TMEM178B: variants seen among roughly 807,000 people sequenced by gnomAD.
TMEM178B encodes the protein transmembrane protein 178B.
TMEM178B carries 5 observed loss-of-function variants against 31.0 expected under a neutral mutation model. The observed-to-expected ratio is 0.16, with a 90% confidence interval of 0.08 to 0.34. The LOEUF (loss-of-function observed/expected upper bound fraction) is 0.34, where lower values mean the gene tolerates loss of function less well. Ranked by LOEUF, TMEM178B falls within the 10% of genes least tolerant of loss-of-function variation. The pLI, the probability that TMEM178B is intolerant of heterozygous loss-of-function variation, is 1.00. For synonymous variants in TMEM178B, 164 were observed against 164.0 expected, an observed-to-expected ratio of 1.00 and a Z score of 0.00; for missense variants, 275 against 400.3, an observed-to-expected ratio of 0.69 and a Z score of 2.67.
At chr7:141,398,400 A>G (rs1430056932) in intron 2 of TMEM178B, among the ~76,000 whole-genome samples, 1 of 152,122 alleles carries the variant, frequency 6.6e-6, no homozygotes, top group African/African-American at 2.4e-5. Flanking sequence ...CCCAGCTCCT[A>G]TGCCTTGGAG....
At chr7:141,442,153 T>C (rs1049761859) in intron 3 of TMEM178B, among the ~76,000 whole-genome samples, 1 of 152,172 alleles carries the variant, frequency 6.6e-6, no homozygotes, top group Non-Finnish European at 1.5e-5. Flanking sequence ...ACCTCAGTAC[T>C]GCTTCGTGGA....
At chr7:141,114,482 A>G (rs921450953) in intron 1 of TMEM178B, among the ~76,000 whole-genome samples, 1 of 152,086 alleles carries the variant, frequency 6.6e-6, no homozygotes, top group Non-Finnish European at 1.5e-5. Flanking sequence ...GACCTGTTGG[A>G]CTTCATGCCT....
At chr7:141,309,823 A>C (rs530128874) in intron 2 of TMEM178B, among the ~76,000 whole-genome samples, 12 of 152,350 alleles carry the variant, frequency 7.9e-5, no homozygotes, top group African/African-American at 2.9e-4. Flanking sequence ...AGGGTTCTTC[A>C]GTTACTCAAC....
At chr7:141,412,289 G>T (rs770272763) in intron 2 of TMEM178B, among the ~76,000 whole-genome samples, 16 of 152,158 alleles carry the variant, frequency 1.1e-4, no homozygotes, top group Non-Finnish European at 2.4e-4. Flanking sequence ...AAGACACAAC[G>T]CAAGACCCTA....
chr7:141,187,636 A>C (rs150232264), intron 1 of TMEM178B, among the ~76,000 whole-genome samples: 8,352 of 152,240 alleles, frequency 0.055, 710 homozygotes, highest in African/African-American at 0.18. Context: ...TCGCCATTCT[A>C]ACTGGTGTGA....
intron 1 of TMEM178B, among the ~76,000 whole-genome samples, chr7:141,105,536 CAT>C (rs1333050583): frequency 6.6e-6 from 1 of 152,076 alleles, no homozygotes; most frequent in Admixed American, 6.6e-5. Context: ...ACACAAAAAA[CAT>C]ATTTCTTTTG....
chr7:141,183,518 A>G (rs1796562614), intron 1 of TMEM178B, among the ~76,000 whole-genome samples: 1 of 152,196 alleles, frequency 6.6e-6, no homozygotes. Flanking sequence ...ATTTCAAACA[A>G]TTTAGAGACA....
At chr7:141,103,926 C>G (rs1486280508) in intron 1 of TMEM178B, among the ~76,000 whole-genome samples, 1 of 152,122 alleles carries the variant, frequency 6.6e-6, no homozygotes, top group Non-Finnish European at 1.5e-5. Flanking sequence ...TTTCAGGAAC[C>G]AATTCCTCTG....
At chr7:141,313,400 G>T (rs960226208) in intron 2 of TMEM178B, among the ~76,000 whole-genome samples, 1 of 152,034 alleles carries the variant, frequency 6.6e-6, no homozygotes, top group Non-Finnish European at 1.5e-5. Flanking sequence ...GCTCTCTCTT[G>T]CTCTCCCCAT....
chr7:141,392,431 C>G (rs1435506349), intron 2 of TMEM178B, among the ~76,000 whole-genome samples: 1 of 152,200 alleles, frequency 6.6e-6, no homozygotes, highest in Non-Finnish European at 1.5e-5. Flanking sequence ...ATCTTTCTCT[C>G]TTCCTCTCTG....
chr7:141,510,004 C>T, the TMEM178B span, among the ~76,000 whole-genome samples: 1 of 152,200 alleles, frequency 6.6e-6, no homozygotes, highest in Non-Finnish European at 1.5e-5. Flanking sequence ...GTGGCAGTAT[C>T]CTGAGTAGAA....
the TMEM178B span, among the ~76,000 whole-genome samples, chr7:141,495,642 G>T: frequency 2.0e-5 from 3 of 152,220 alleles, no homozygotes; most frequent in East Asian, 3.9e-4. Context: ...TTGCAGCATT[G>T]TTTGCTATAG....
At chr7:141,260,385 C>T (rs1404970771) in intron 2 of TMEM178B, among the ~76,000 whole-genome samples, 1 of 149,930 alleles carries the variant, frequency 6.7e-6, no homozygotes, top group Non-Finnish European at 1.5e-5. Context: ...TGATGTGTGT[C>T]TTCCATCAAT....
intron 2 of TMEM178B, among the ~76,000 whole-genome samples, chr7:141,309,056 C>T (rs1201844908): frequency 6.6e-6 from 1 of 152,100 alleles, no homozygotes; most frequent in Non-Finnish European, 1.5e-5. Flanking sequence ...ATTTTGTTGT[C>T]AGGAAGAGTA....
At chr7:141,382,514 T>C (rs1800336850) in intron 2 of TMEM178B, among the ~76,000 whole-genome samples, 1 of 152,214 alleles carries the variant, frequency 6.6e-6, no homozygotes, top group South Asian at 2.1e-4. Context: ...TGTTTTCTAA[T>C]TTTCCTAGTC....
At chr7:141,133,176 A>C (rs531350055) in intron 1 of TMEM178B, among the ~76,000 whole-genome samples, 1 of 152,364 alleles carries the variant, frequency 6.6e-6, no homozygotes, top group Non-Finnish European at 1.5e-5. Flanking sequence ...ATAAACATGA[A>C]AAAGCAAAAA....
Position 141,474,218 on chromosome 7 carries a change from C to G in TMEM178B, c.*3432C>G, listed in dbSNP as rs1391901394. On this transcript the variant is annotated 3_prime_UTR_variant, in exon 4 of 4. Coordinates refer to ENST00000565468, the MANE Select transcript of TMEM178B (RefSeq NM_001195278.2). ...AGATTCAGGAAAGTGAGGTATTCTA[C>G]CTAGAGAGAGGTCCCATATCTTTTT... is the stretch of plus-strand genomic sequence containing the variant. The G allele has an allele frequency of 6.6e-6, 1 of 152,206 alleles. No individual in the cohort carries two copies. Among genetic ancestry groups the G allele is most frequent in the Non-Finnish European group, 1.5e-5 (1 of 68,044 alleles). The allele number at this position is 152,206 out of a possible 1,614,324, so 9.4% of individuals were successfully genotyped here. A position where few individuals can be genotyped will look rare whatever the true frequency, so the allele number is the denominator to read the frequency against.
At chr7:141,192,699 T>G (rs1386109692) in intron 1 of TMEM178B, among the ~76,000 whole-genome samples, 1 of 152,092 alleles carries the variant, frequency 6.6e-6, no homozygotes, top group Non-Finnish European at 1.5e-5. Flanking sequence ...CTTCTGACCT[T>G]AGGTGATCCA....
chr7:141,236,839 T>C (rs1037060642), intron 2 of TMEM178B, among the ~76,000 whole-genome samples: 1 of 152,196 alleles, frequency 6.6e-6, no homozygotes, highest in Non-Finnish European at 1.5e-5. Flanking sequence ...TTAAAAACTG[T>C]GCAGGCCAAA....
Sources: gnomAD v4.1 joint callset for allele counts (sites outside exome capture counted in the v4.1 genomes callset) on GRCh38, gnomAD v4.1.1 for gene constraint, MANE v1.5 for transcripts, NCBI Gene and HGNC (gene_info 2026-07-23, HGNC 2026-07-21) for gene names.